PPL: variants seen among roughly 807,000 people sequenced by gnomAD.
The protein encoded by PPL is 190 kDa paraneoplastic pemphigus antigen.
A neutral mutation model predicts 194.4 loss-of-function variants in PPL; 198 were observed. The ratio of observed to expected loss-of-function variants is 1.02; its 90% CI spans 0.91 to 1.15. PPL has a LOEUF of 1.15. Ranked by LOEUF, PPL falls within the 50% of genes most tolerant of loss-of-function variation. The pLI, the probability that PPL is intolerant of heterozygous loss-of-function variation, is 0.00. For missense variants in PPL, 2,885 were observed against 2,294.8 expected (o/e 1.26, Z -5.25); for synonymous variants, 1,220 against 972.4 (o/e 1.25, Z -4.74).
At chr16:4,912,632 T>A (rs1295345589) in intron 1 of PPL, among the ~76,000 whole-genome samples, 2 of 152,278 alleles carry the variant, frequency 1.3e-5, no homozygotes, top group Non-Finnish European at 2.9e-5. Context: ...CTCCCCATTT[T>A]AATCAGAAAT....
Position 4,897,789 on chromosome 16 carries a change from G to A in PPL, c.877-19C>T. 1 of 1,605,928 alleles carries A rather than the reference G, an allele frequency of 6.2e-7. No individual in the cohort carries two copies. Among genetic ancestry groups the A allele is most frequent in the Non-Finnish European group, 8.5e-7 (1 of 1,173,506 alleles). ...TGTGCGCCTGCCAGGAAGAGAAGGG[G>A]CCGGTCACCACTGGGCAGGTACTGC... On this transcript the variant is annotated intron_variant, in intron 8 of 21. Coordinates refer to ENST00000345988, the MANE Select transcript of PPL (RefSeq NM_002705.5).
Position 4,884,365 on chromosome 16 carries a change from C to T in PPL, c.4290G>A (p.Leu1430=), listed in dbSNP as rs750670168. ...CACGGGCCTCAGCTTCTTCCTGCTCCAGCGCTGCCAGCCGCTGCTGCAACC... is the reference window on the plus strand; with the variant it reads ...CACGGGCCTCAGCTTCTTCCTGCTCTAGCGCTGCCAGCCGCTGCTGCAACC... ...VQRLQQRLAA[L]EQEEAEAREK... Residue 1430 remains leucine, a synonymous_variant, in exon 22 of 22, where the codon CTG becomes CTA. Coordinates refer to ENST00000345988, the MANE Select transcript of PPL (RefSeq NM_002705.5). The surrounding 1 kb of genome is among the most constrained non-coding windows in gnomAD (Gnocchi z 5.7). 1.2e-6 allele frequency: 2 copies of T among 1,611,986 alleles called. No homozygotes were observed. Among genetic ancestry groups the T allele is most frequent in the Admixed American group, 1.7e-5 (1 of 59,354 alleles).
chr16:4,927,519 G>T (rs1395960482), intron 1 of PPL, among the ~76,000 whole-genome samples: 1 of 152,186 alleles, frequency 6.6e-6, no homozygotes, highest in Non-Finnish European at 1.5e-5. Context: ...TTTAAAAGAA[G>T]CAAGATGCCG....
chr16:4,902,629 C>T lies in PPL; in HGVS notation c.318-103G>A. 1 of 1,358,242 alleles carries T rather than the reference C, an allele frequency of 7.4e-7. No individual in the cohort carries two copies. The highest frequency in any genetic ancestry group is 1.0e-6 in the Non-Finnish European group (1 of 994,146). 84.1% of individuals were successfully genotyped at this position (1,358,242 alleles called of 1,614,324 possible). A position where few individuals can be genotyped will look rare whatever the true frequency, so the allele number is the denominator to read the frequency against. The stretch of plus-strand genomic sequence containing the variant: ...CCGGCCTCAGTGTCCTGGAAGGACA[C>T]AGTGACCATATGGCCTTGGGTTCCA... On this transcript the variant is annotated intron_variant, in intron 3 of 21. Transcript: ENST00000345988. The surrounding 1 kb of genome is among the most constrained non-coding windows in gnomAD (Gnocchi z 4.0).
At chr16:4,936,837 G>T (rs889791318) in intron 1 of PPL, 147 bp downstream of exon 1, 3 of 755,792 alleles carry the variant, frequency 4.0e-6, no homozygotes, top group Non-Finnish European at 5.7e-6. Context: ...TCGGTCCCGC[G>T]TTCCCGAGAG....
At chr16:4,917,843 A>G (rs2088955473) in intron 1 of PPL, among the ~76,000 whole-genome samples, 1 of 152,114 alleles carries the variant, frequency 6.6e-6, no homozygotes, top group Admixed American at 6.6e-5. Flanking sequence ...TTGAGGCTGC[A>G]GTGAGCCGAG....
chr16:4,887,652 A>C (rs1255235890), intron 20 of PPL, among the ~76,000 whole-genome samples: 1 of 152,176 alleles, frequency 6.6e-6, no homozygotes, highest in Non-Finnish European at 1.5e-5. Flanking sequence ...ACTCAGACTG[A>C]AGTGCCATGG....
intron 1 of PPL, among the ~76,000 whole-genome samples, chr16:4,935,546 C>T (rs2089285418): frequency 1.3e-5 from 2 of 152,108 alleles, no homozygotes; most frequent in African/African-American, 4.8e-5. Flanking sequence ...TGTGCAGGCC[C>T]TGCCCAGTCT....
In PPL at chr16:4,888,144, CTT is replaced by C. The variant is rs1567991059; in HGVS notation, c.2470_2471del (p.Lys824GlufsTer24). 1.2e-6 allele frequency: 2 copies of C among 1,614,038 alleles called. No homozygotes were observed. Among genetic ancestry groups the C allele is most frequent in the Admixed American group, 3.3e-5 (2 of 60,024 alleles). ...LENGRRSHVS[K>X]RARLQSPATK... ...TGGCAGGAGATTGGAGCCTGGCTCTCTTGCTCACGTGGCTTCTCCTTCCATTC... is the reference window on the plus strand; with the variant it reads ...TGGCAGGAGATTGGAGCCTGGCTCTCGCTCACGTGGCTTCTCCTTCCATTC... On this transcript the variant is annotated frameshift_variant, in exon 20 of 22. Transcript: ENST00000345988. LOFTEE classifies it high-confidence loss of function.
chr16:4,904,677 G>T (rs892842952), intron 2 of PPL, among the ~76,000 whole-genome samples: 9 of 152,090 alleles, frequency 5.9e-5, no homozygotes, highest in African/African-American at 2.2e-4. Context: ...GAGGAAACAG[G>T]GCAGGCGGGG....
chr16:4,892,314 G>C (rs1411679210), intron 14 of PPL, 101 bp from the exon 15 acceptor site: 15 of 1,308,236 alleles, frequency 1.1e-5, no homozygotes, highest in Non-Finnish European at 1.6e-5. Context: ...AGGCACAGTG[G>C]AAGCAGCTGG....
At position 4,883,795 on chromosome 16, in the gene PPL, A is replaced by G. The variant is rs1403943504; in HGVS notation, c.4860T>C (p.Asp1620=). 1.9e-6 allele frequency: 3 copies of G among 1,614,130 alleles called. No individual in the cohort carries two copies. The highest frequency in any genetic ancestry group is 2.2e-5 in the East Asian group (1 of 44,878). ...TGTCCTTGGAGAGCCTCTTGAGGTC[A>G]TCCAGTTCCCTCTCCAGGGACCACA... ...SRLWSLEREL[D]DLKRLSKDKD... The change falls in exon 22 of 22, where the codon GAT becomes GAC. Residue 1620 remains aspartate (D), a synonymous_variant. Coordinates refer to ENST00000345988, the MANE Select transcript of PPL (RefSeq NM_002705.5). This position sits in a 1 kb window ranked among gnomAD's most constrained non-coding sequence, Gnocchi z 4.8.
chr16:4,892,427 T>A (rs2088338053), intron 14 of PPL, among the ~76,000 whole-genome samples: 1 of 152,216 alleles, frequency 6.6e-6, no homozygotes, highest in Non-Finnish European at 1.5e-5. Flanking sequence ...TGGAATGGAC[T>A]AGTGACACCA....
chr16:4,895,241 G>A lies in PPL; in HGVS notation c.1242+20C>T, dbSNP rs1184798421. The A allele has an allele frequency of 6.3e-7, 1 of 1,591,752 alleles. No homozygotes were observed. The highest frequency in any genetic ancestry group is 1.8e-5 in the Admixed American group (1 of 55,210). ...CAAAAACTTTGTAGTGATGTGAACAGAGGAGCTGGCCCCACGCACCTGCTC... is the reference window on the plus strand; with the variant it reads ...CAAAAACTTTGTAGTGATGTGAACAAAGGAGCTGGCCCCACGCACCTGCTC... On this transcript the variant is annotated intron_variant, in intron 11 of 21. Transcript: ENST00000345988.
In PPL at chr16:4,892,331, C is replaced by T. The variant is rs989431767; in HGVS notation, c.1651-118G>A. 3.6e-6 allele frequency: 4 copies of T among 1,110,462 alleles called. No homozygotes were observed. The African/African-American group carries it at 4.7e-5, about 13-fold the overall frequency. 68.8% of individuals were successfully genotyped at this position (1,110,462 alleles called of 1,614,324 possible). A position where few individuals can be genotyped will look rare whatever the true frequency, so the allele number is the denominator to read the frequency against. On this transcript the variant is annotated intron_variant, in intron 14 of 21. Coordinates refer to ENST00000345988, the MANE Select transcript of PPL (RefSeq NM_002705.5). ...GCACAGTGGAAGCAGCTGGAGAGGC[C>T]TGGCACATTCTGGGGCTCTGACCCG...
intron 2 of PPL, among the ~76,000 whole-genome samples, chr16:4,907,906 A>G (rs1003157493): frequency 6.6e-5 from 10 of 152,162 alleles, no homozygotes; most frequent in African/African-American, 2.4e-4. Context: ...CTGTAATCCC[A>G]GCACTTTGGG....
At chr16:4,925,453 C>T (rs544776220) in intron 1 of PPL, among the ~76,000 whole-genome samples, 44 of 152,332 alleles carry the variant, frequency 2.9e-4, no homozygotes, top group South Asian at 8.3e-4. Context: ...CACCCATTGA[C>T]GTCTCATAGC....
At position 4,885,990 on chromosome 16, in the gene PPL, C is replaced by T. The variant is rs770890396; in HGVS notation, c.2665G>A (p.Val889Met). ...TTCCTGATCTTCCACGCCTCCTCCA[C>T]TCCAGAGTCCGGCCTATTCCTTTGC... Reference protein sequence around the residue: ...TLQRNRPDSGVEEAWKIRKEL... With the variant: ...TLQRNRPDSGMEEAWKIRKEL... The change falls in exon 22 of 22, where the codon GTG (valine) becomes ATG (methionine). Residue 889 changes from valine to methionine, a missense_variant. Val to Met is a conservative substitution (Grantham distance 21). Transcript: ENST00000345988. The surrounding 1 kb of genome is among the most constrained non-coding windows in gnomAD (Gnocchi z 6.3). 6.2e-7 allele frequency: 1 copy of T among 1,613,982 alleles called. No homozygotes were observed. The highest frequency in any genetic ancestry group is 8.5e-7 in the Non-Finnish European group (1 of 1,180,046).
rs751611855 is a variant in PPL, at chr16:4,894,592, G to A, written c.1269C>T (p.Tyr423=). Residue 423 remains tyrosine, a synonymous_variant, in exon 12 of 22, where the codon TAC becomes TAT. Coordinates refer to ENST00000345988, the MANE Select transcript of PPL (RefSeq NM_002705.5). Reference sequence around the variant, plus strand: ...TCTCCCCGTTGTTCTTCTGCAGGGTGTAGCTGTAGCCCCGCGAGATCAGGC... The same window carrying A: ...TCTCCCCGTTGTTCTTCTGCAGGGTATAGCTGTAGCCCCGCGAGATCAGGC... ...EQGLISRGYS[Y]TLQKNNGESW... 8 of 1,613,586 alleles carry A rather than the reference G, an allele frequency of 5.0e-6. No individual in the cohort carries two copies. In the Admixed American group the frequency reaches 1.0e-4, roughly 20 times the overall value.
Sources: gnomAD v4.1 joint callset for allele counts (sites outside exome capture counted in the v4.1 genomes callset) on GRCh38, gnomAD v4.1.1 for gene constraint, Gnocchi (gnomAD v3.1) non-coding constraint, MANE v1.5 for transcripts, NCBI Gene and HGNC (gene_info 2026-07-23, HGNC 2026-07-21) for gene names.